The following KLHL32 variants were observed in gnomAD, a reference collection of about 807,000 sequenced individuals.
KLHL32 encodes the protein kelch like family member 32.
A neutral mutation model predicts 64.8 loss-of-function variants in KLHL32; 35 were observed. That is an observed-to-expected ratio of 0.54 (90% CI 0.41 to 0.72). The LOEUF is 0.72. KLHL32 is among the 30% of genes least tolerant of loss of function. The pLI is 0.00. For synonymous variants in KLHL32, 259 were observed against 281.0 expected (o/e 0.92, Z 0.78); for missense variants, 589 against 768.5 (o/e 0.77, Z 2.76).
At chr6:97,100,538 G>A (rs969112848) in intron 6 of KLHL32, among the ~76,000 whole-genome samples, 1 of 152,132 alleles carries the variant, frequency 6.6e-6, no homozygotes, top group Non-Finnish European at 1.5e-5. Flanking sequence ...TCTAAAAGAT[G>A]TTTAAAGTTA....
intron 3 of KLHL32, chr6:97,010,058 TG>T (rs1471491610): frequency 1.5e-5 from 2 of 135,382 alleles, no homozygotes; most frequent in African/African-American, 5.7e-5. Flanking sequence ...CAAACTGAAA[TG>T]GCCCAAACAA....
intron 6 of KLHL32, among the ~76,000 whole-genome samples, chr6:97,095,948 G>A (rs1043035525): frequency 1.3e-5 from 2 of 152,086 alleles, no homozygotes; most frequent in Non-Finnish European, 2.9e-5. Context: ...CCATTTACAT[G>A]TAGGTAGAAC....
chr6:97,025,338 A>G (rs1562255140), intron 3 of KLHL32, among the ~76,000 whole-genome samples: 1 of 152,188 alleles, frequency 6.6e-6, no homozygotes, highest in African/African-American at 2.4e-5. Context: ...TGAAAGATTG[A>G]ATTATCAGTA....
At chr6:97,102,836 A>G (rs1055120420) in intron 6 of KLHL32, among the ~76,000 whole-genome samples, 3 of 151,990 alleles carry the variant, frequency 2.0e-5, no homozygotes, top group Non-Finnish European at 4.4e-5. Flanking sequence ...AATGGTATAT[A>G]TACATATAAC....
chr6:96,943,034 T>G (rs1202966500), intron 1 of KLHL32, among the ~76,000 whole-genome samples: 1 of 103,408 alleles, frequency 9.7e-6, no homozygotes, highest in East Asian at 2.2e-4. Context: ...TCATGCTCCC[T>G]CTACACACAC....
At chr6:97,041,679 TTTAG>T in intron 4 of KLHL32, 80 bp downstream of exon 4, 1 of 798,682 alleles carries the variant, frequency 1.3e-6, no homozygotes, top group Middle Eastern at 2.3e-4. Context: ...AGGTATGAGA[TTTAG>T]TTATTGTTCT....
intron 10 of KLHL32, among the ~76,000 whole-genome samples, chr6:97,136,585 G>A (rs1800041354): frequency 6.6e-6 from 1 of 152,180 alleles, no homozygotes; most frequent in Admixed American, 6.5e-5. Context: ...ATGACAAGTG[G>A]CACATAAAGG....
intron 3 of KLHL32, among the ~76,000 whole-genome samples, chr6:97,022,470 A>ATT (rs145998879): frequency 0.11 from 15,211 of 138,860 alleles, 2,248 homozygotes; most frequent in African/African-American, 0.26. Context: ...ATAACACCTA[A>ATT]TTTTTTTTTT....
intron 4 of KLHL32, among the ~76,000 whole-genome samples, chr6:97,051,235 C>T (rs1786852992): frequency 2.0e-5 from 3 of 152,140 alleles, no homozygotes; most frequent in African/African-American, 7.2e-5. Context: ...CCATATCTCC[C>T]TTGTGTAAAA....
At chr6:96,993,413 G>A (rs1277980880) in intron 3 of KLHL32, among the ~76,000 whole-genome samples, 2 of 152,134 alleles carry the variant, frequency 1.3e-5, no homozygotes, top group East Asian at 1.9e-4. Flanking sequence ...ATTTTCACGT[G>A]GCAACTAAAT....
intron 1 of KLHL32, among the ~76,000 whole-genome samples, chr6:96,931,891 C>G (rs1435032264): frequency 6.6e-6 from 1 of 152,086 alleles, no homozygotes; most frequent in Non-Finnish European, 1.5e-5. Context: ...AAAAAAAAGC[C>G]TACTCTAAAT....
intron 7 of KLHL32, among the ~76,000 whole-genome samples, chr6:97,117,011 T>C (rs530366102): frequency 6.6e-6 from 1 of 152,352 alleles, no homozygotes; most frequent in East Asian, 1.9e-4. Flanking sequence ...CAGTACAATA[T>C]CTTTAATTGG....
chr6:97,013,342 C>T (rs1232992619), intron 3 of KLHL32, among the ~76,000 whole-genome samples: 1 of 152,186 alleles, frequency 6.6e-6, no homozygotes, highest in African/African-American at 2.4e-5. Context: ...TGAGGAAACT[C>T]ACTTCAGTTT....
At chr6:97,030,149 T>G (rs1241661138) in intron 3 of KLHL32, among the ~76,000 whole-genome samples, 1 of 152,232 alleles carries the variant, frequency 6.6e-6, no homozygotes, top group Non-Finnish European at 1.5e-5. Context: ...TCAGAGTAAC[T>G]CCAAAGCTGC....
At chr6:96,928,979 A>G (rs1562164846) in intron 1 of KLHL32, among the ~76,000 whole-genome samples, 1 of 152,242 alleles carries the variant, frequency 6.6e-6, no homozygotes, top group Admixed American at 6.5e-5. Flanking sequence ...GGCTTTGGTG[A>G]CAGATAAATG....
At chr6:97,072,428 A>C (rs890281399) in intron 5 of KLHL32, among the ~76,000 whole-genome samples, 1 of 152,146 alleles carries the variant, frequency 6.6e-6, no homozygotes, top group African/African-American at 2.4e-5. Context: ...AAAAATCACA[A>C]CCTGATCATG....
chr6:97,097,059 T>C (rs1198235433), intron 6 of KLHL32, among the ~76,000 whole-genome samples: 1 of 152,210 alleles, frequency 6.6e-6, no homozygotes, highest in Non-Finnish European at 1.5e-5. Context: ...GTTTTATAAC[T>C]CTGCACTGTC....
chr6:97,139,027 C>G, intron 10 of KLHL32, 94 bp from the exon 11 acceptor site: 1 of 1,197,056 alleles, frequency 8.4e-7, no homozygotes, highest in Non-Finnish European at 1.2e-6. Context: ...GGTGACATAA[C>G]TGAATTTAAG....
chr6:97,012,248 G>C (rs190539725), intron 3 of KLHL32, among the ~76,000 whole-genome samples: 27 of 152,318 alleles, frequency 1.8e-4, no homozygotes, highest in Admixed American at 1.5e-3. Context: ...TGGACCTTGA[G>C]GTGGCAATAC....
Sources: allele counts gnomAD v4.1 joint callset (sites outside exome capture counted in the v4.1 genomes callset), GRCh38; gene constraint gnomAD v4.1.1; transcripts MANE v1.5; gene names NCBI Gene and HGNC (gene_info 2026-07-23, HGNC 2026-07-21).